Variants in RUNX2 observed in about 807,000 individuals in gnomAD.
RUNX2 encodes runt-related transcription factor 2.
A neutral mutation model predicts 51.7 loss-of-function variants in RUNX2; 10 were observed. The ratio of observed to expected loss-of-function variants is 0.19; its 90% CI spans 0.12 to 0.33. RUNX2 has a LOEUF of 0.33. Among genes scored for constraint, RUNX2 ranks in the 10% least tolerant of loss-of-function variants. The pLI is 1.00. For synonymous variants in RUNX2, 276 were observed against 273.6 expected (o/e 1.01, Z -0.09); for missense variants, 562 against 691.3 (o/e 0.81, Z 2.10).
intron 5 of RUNX2, among the ~76,000 whole-genome samples, chr6:45,450,509 G>A (rs1799137352): frequency 6.6e-6 from 1 of 152,136 alleles, no homozygotes; most frequent in African/African-American, 2.4e-5. Flanking sequence ...CAAGAAACAA[G>A]TAAACAAACA....
intron 6 of RUNX2, among the ~76,000 whole-genome samples, chr6:45,499,986 T>G (rs904814972): frequency 2.6e-5 from 4 of 152,214 alleles, no homozygotes; most frequent in Admixed American, 2.0e-4. Flanking sequence ...TATTAGTTGC[T>G]TAGGGTCCTT....
intron 2 of RUNX2, among the ~76,000 whole-genome samples, chr6:45,331,343 A>G (rs963107536): frequency 2.0e-5 from 3 of 152,050 alleles, no homozygotes; most frequent in African/African-American, 4.8e-5. Context: ...GATTATCTAC[A>G]TAAAATCTTT....
rs12665523 is a variant in RUNX2, at chr6:45,518,366, G to A, written c.1021+5959G>A. Among the ~76,000 whole-genome samples the A allele has an allele frequency of 0.016, 2,482 of 152,182 alleles. 148 individuals carry two copies. The East Asian group carries it at 0.22, about 13-fold the overall frequency. On this transcript the variant is annotated intron_variant, in intron 7 of 8. Transcript: ENST00000647337. The stretch of plus-strand genomic sequence containing the variant: ...GATGGATTACTTTTGCATTCCATAA[G>A]TTGAAATTCATCTTGCTTTCCCTAA...
rs114554762 is a variant in RUNX2, at chr6:45,512,378, C to G, written c.992C>G (p.Ala331Gly). The G allele has an allele frequency of 1.3e-4, 205 of 1,614,098 alleles. No individual in the cohort carries two copies. The highest frequency in any genetic ancestry group is 1.7e-4 in the Non-Finnish European group (202 of 1,180,024). ...TCCACACGGGGCACTGGGCTTCCTGCCATCACCGATGTGCCTAGGCGCATT... is the reference window on the plus strand; with the variant it reads ...TCCACACGGGGCACTGGGCTTCCTGGCATCACCGATGTGCCTAGGCGCATT... ...LSSTRGTGLP[A>G]ITDVPRRISD... The change falls in exon 7 of 9, where the codon GCC becomes GGC. Residue 331 changes from alanine (A) to glycine (G), a missense_variant. Coordinates refer to ENST00000647337, the MANE Select transcript of RUNX2 (RefSeq NM_001024630.4).
intron 5 of RUNX2, among the ~76,000 whole-genome samples, chr6:45,443,887 T>G (rs1407799024): frequency 1.3e-5 from 2 of 152,132 alleles, no homozygotes; most frequent in East Asian, 3.9e-4. Context: ...TTTAAAATTT[T>G]TTTTCGAGAT....
chr6:45,523,420 C>T (rs918012548), intron 7 of RUNX2, among the ~76,000 whole-genome samples: 2 of 151,992 alleles, frequency 1.3e-5, no homozygotes, highest in East Asian at 3.9e-4. Context: ...GCACCTGCCA[C>T]GATGCCTGGC....
chr6:45,526,957 G>A (rs1029830136), intron 7 of RUNX2, among the ~76,000 whole-genome samples: 2 of 152,172 alleles, frequency 1.3e-5, no homozygotes. Context: ...ATAAATGTTA[G>A]CTATTACTAC....
At chr6:45,381,827 T>TAATCA (rs1187307936) in intron 2 of RUNX2, among the ~76,000 whole-genome samples, 2 of 152,220 alleles carry the variant, frequency 1.3e-5, no homozygotes, top group Non-Finnish European at 2.9e-5. Flanking sequence ...TATTAAGGTG[T>TAATCA]AATCAAATTG....
chr6:45,422,600 C>T lies in RUNX2; in HGVS notation c.66C>T (p.Ser22=). The T allele has an allele frequency of 6.2e-7, 1 of 1,604,630 alleles. No individual in the cohort carries two copies. ...TGATGCGTATTCCCGTAGATCCGAG[C>T]ACCAGCCGGCGCTTCAGCCCCCCCT... is the stretch of plus-strand genomic sequence containing the variant. The part of the protein sequence containing the change: ...PCQQNFFWDP[S]TSRRFSPPSS... The change falls in exon 3 of 9, where the codon AGC becomes AGT. Residue 22 remains serine, a synonymous_variant. Coordinates refer to ENST00000647337, the MANE Select transcript of RUNX2 (RefSeq NM_001024630.4).
intron 7 of RUNX2, among the ~76,000 whole-genome samples, chr6:45,543,879 A>T (rs1243123042): frequency 6.6e-6 from 1 of 151,686 alleles, no homozygotes; most frequent in Non-Finnish European, 1.5e-5. Flanking sequence ...AAATTTGAAG[A>T]TTAGGAAGGA....
rs551453730 is a variant in RUNX2, at chr6:45,463,046, A to G, written c.685+24995A>G. 5.9e-4 allele frequency among the ~76,000 whole-genome samples: 90 copies of G among 152,342 alleles called. 4 individuals are homozygous for G. In the Middle Eastern group the frequency reaches 0.017, roughly 29 times the overall value. Reference sequence around the variant, plus strand: ...CAGGCACCTTTACAGACCAGCAGCCACTTGGGTATCTGACCTGAAAGGAGC... The same window carrying G: ...CAGGCACCTTTACAGACCAGCAGCCGCTTGGGTATCTGACCTGAAAGGAGC... On this transcript the variant is annotated intron_variant, in intron 5 of 8. Coordinates refer to ENST00000647337, the MANE Select transcript of RUNX2 (RefSeq NM_001024630.4).
chr6:45,437,458 A>G (rs1798715876), intron 4 of RUNX2, among the ~76,000 whole-genome samples: 6 of 152,156 alleles, frequency 3.9e-5, no homozygotes, highest in Admixed American at 2.6e-4. Context: ...TTCCTCTTTT[A>G]TCTTCTTATT....
intron 7 of RUNX2, among the ~76,000 whole-genome samples, chr6:45,536,412 A>G (rs1410441645): frequency 6.6e-6 from 1 of 152,136 alleles, no homozygotes; most frequent in Non-Finnish European, 1.5e-5. Context: ...TTGGAGCTGA[A>G]TTATAGAGAC....
intron 3 of RUNX2, among the ~76,000 whole-genome samples, 170 bp downstream of exon 3, chr6:45,423,127 C>T (rs1050624186): frequency 6.6e-6 from 1 of 152,002 alleles, no homozygotes; most frequent in African/African-American, 2.4e-5. Context: ...CTGGCGGGCT[C>T]GGGGCTCAGT....
At chr6:45,440,478 G>T (rs549679790) in intron 5 of RUNX2, among the ~76,000 whole-genome samples, 61 of 152,340 alleles carry the variant, frequency 4.0e-4, no homozygotes, top group African/African-American at 8.9e-4. Flanking sequence ...CGGAGTGCCA[G>T]ATAGCAAATC....
chr6:45,384,270 T>G (rs926005504), intron 2 of RUNX2, among the ~76,000 whole-genome samples: 2 of 150,534 alleles, frequency 1.3e-5, no homozygotes, highest in Admixed American at 6.6e-5. Flanking sequence ...GTGGTTGGGG[T>G]TTTTTTTGTT....
At chr6:45,435,101 T>C (rs1798646365) in intron 4 of RUNX2, among the ~76,000 whole-genome samples, 1 of 152,238 alleles carries the variant, frequency 6.6e-6, no homozygotes. Flanking sequence ...ATCATAGTTA[T>C]ACTTAACTAC....
chr6:45,435,581 C>G (rs901254354), intron 4 of RUNX2, among the ~76,000 whole-genome samples: 3 of 152,206 alleles, frequency 2.0e-5, no homozygotes, highest in Non-Finnish European at 2.9e-5. Context: ...TAGTCTTGAA[C>G]TCCTGACCTC....
chr6:45,500,361 T>C (rs1800770720), intron 6 of RUNX2, among the ~76,000 whole-genome samples: 1 of 152,222 alleles, frequency 6.6e-6, no homozygotes, highest in South Asian at 2.1e-4. Flanking sequence ...TACTCCCAGT[T>C]AGAGGCATCA....
Sources: allele counts gnomAD v4.1 joint callset (sites outside exome capture counted in the v4.1 genomes callset), GRCh38; gene constraint gnomAD v4.1.1; transcripts MANE v1.5; gene names NCBI Gene and HGNC (gene_info 2026-07-23, HGNC 2026-07-21).